The following SIN3B variants were observed in gnomAD, a reference collection of about 807,000 sequenced individuals.
SIN3B encodes the protein SIN3 transcription regulator family member B.
SIN3B carries 19 observed loss-of-function variants against 120.2 expected under a neutral mutation model. The ratio of observed to expected loss-of-function variants is 0.16; its 90% CI spans 0.11 to 0.23. The LOEUF is 0.23. Ranked by LOEUF, SIN3B falls within the 10% of genes least tolerant of loss-of-function variation. The probability of loss-of-function intolerance (pLI) is 1.00; values close to 1 mark genes in which losing one functional copy is unlikely to be tolerated. For synonymous variants in SIN3B, 654 were observed against 653.2 expected (o/e 1.00, Z -0.02); for missense variants, 1,073 against 1,573.0 (o/e 0.68, Z 5.38).
In SIN3B at chr19:16,853,125, C is replaced by T. The variant is rs199660639; in HGVS notation, c.906C>T (p.Tyr302=). The T allele has an allele frequency of 2.4e-5, 38 of 1,614,136 alleles. No individual in the cohort carries two copies. Among genetic ancestry groups the T allele is most frequent in the Middle Eastern group, 1.6e-4 (1 of 6,062 alleles). ...TGTCCATCGCTGCAGTGGGGAAGTA[C>T]GGGACTCTGCAGGAATTTTCTTTCT... ...KDLSIAAVGK[Y]GTLQEFSFFD... The change falls in exon 7 of 19, where the codon TAC becomes TAT. Residue 302 remains tyrosine (Y), a synonymous_variant. Transcript: ENST00000248054.
At chr19:16,843,652 A>T (rs1971445632) in intron 4 of SIN3B, among the ~76,000 whole-genome samples, 1 of 152,186 alleles carries the variant, frequency 6.6e-6, no homozygotes, top group African/African-American at 2.4e-5. Flanking sequence ...GGCAGGTTAA[A>T]GACACTAGAG....
chr19:16,863,235 C>A, intron 9 of SIN3B: 1 of 523,674 alleles, frequency 1.9e-6, no homozygotes, highest in Non-Finnish European at 3.4e-6. Context: ...TCTGTGGTTT[C>A]AACTAACCAT....
At chr19:16,851,385 C>T (rs1379898686) in intron 5 of SIN3B, 27 bp from the exon 6 acceptor site, 2 of 1,563,114 alleles carry the variant, frequency 1.3e-6, no homozygotes, top group Non-Finnish European at 1.7e-6. Flanking sequence ...GTCTCCGGTG[C>T]TGACCACCTC....
At chr19:16,846,608 T>G (rs1303284522) in intron 4 of SIN3B, 1 of 181,846 alleles carries the variant, frequency 5.5e-6, no homozygotes. Flanking sequence ...GTCCCTTCCC[T>G]TCATGGCCCA....
In SIN3B at chr19:16,878,335, T is replaced by C. The variant is rs1215579161; in HGVS notation, c.3107T>C (p.Ile1036Thr). Reference sequence around the variant, plus strand: ...CTCAGCACTCACAAGATGGTGTTCATCGTGAACTCCGAGGACTACATGTAC... The same window carrying C: ...CTCAGCACTCACAAGATGGTGTTCACCGTGAACTCCGAGGACTACATGTAC... ...FKLSTHKMVF[I>T]VNSEDYMYRR... The change falls in exon 18 of 19, where the codon ATC becomes ACC. Residue 1036 changes from isoleucine to threonine, a missense_variant. Transcript: ENST00000248054. 6.2e-7 allele frequency: 1 copy of C among 1,612,608 alleles called. No homozygotes were observed. Among genetic ancestry groups the C allele is most frequent in the Admixed American group, 1.7e-5 (1 of 59,926 alleles).
chr19:16,833,359 C>T (rs961917508), intron 3 of SIN3B, among the ~76,000 whole-genome samples: 14 of 152,022 alleles, frequency 9.2e-5, no homozygotes, highest in East Asian at 5.8e-4. Flanking sequence ...CTCGGCCAGG[C>T]GCAGTGGCTC....
At chr19:16,840,856 T>C (rs1971408440) in intron 3 of SIN3B, among the ~76,000 whole-genome samples, 1 of 152,032 alleles carries the variant, frequency 6.6e-6, no homozygotes, top group African/African-American at 2.4e-5. Flanking sequence ...ATGAGTAAAA[T>C]ACATGATCCA....
At position 16,858,913 on chromosome 19, in the gene SIN3B, G is replaced by A. The variant is rs773881; in HGVS notation, c.1059-3439G>A. Among the ~76,000 whole-genome samples the A allele has an allele frequency of 7.3e-3, 1,118 of 152,244 alleles. 14 individuals carry two copies. The highest frequency in any genetic ancestry group is 0.026 in the African/African-American group (1,060 of 41,542). On this transcript the variant is annotated intron_variant, in intron 8 of 18. Coordinates refer to ENST00000248054, the MANE Select transcript of SIN3B (RefSeq NM_001297595.2). Reference sequence around the variant, plus strand: ...TGCAATGAGCAAAGATTGTACCACTGCACTCTAGCCTGGGCAACAGAGCAA... The same window carrying A: ...TGCAATGAGCAAAGATTGTACCACTACACTCTAGCCTGGGCAACAGAGCAA...
chr19:16,839,169 T>C (rs1369219599), intron 3 of SIN3B, among the ~76,000 whole-genome samples: 7 of 152,026 alleles, frequency 4.6e-5, no homozygotes, highest in African/African-American at 1.7e-4. Context: ...GGTTTTGCAA[T>C]GTTGGCCAGG....
rs189141212 is a variant in SIN3B at position 16,835,294 on chromosome 19, T to C, written c.381+3647T>C. On this transcript the variant is annotated intron_variant, in intron 3 of 18. Transcript: ENST00000248054. ...CCCAGGCTGGAGTGCAATGGCACGA[T>C]CTTGGCTCGCTGCATCCTCTGCCTC... Among the ~76,000 whole-genome samples, 632 of 150,002 alleles carry C rather than the reference T, an allele frequency of 4.2e-3. 4 individuals are homozygous for C. The East Asian group carries it at 0.045, about 11-fold the overall frequency.
At chr19:16,838,824 A>G (rs1308717943) in intron 3 of SIN3B, among the ~76,000 whole-genome samples, 1 of 151,832 alleles carries the variant, frequency 6.6e-6, no homozygotes, top group Non-Finnish European at 1.5e-5. Flanking sequence ...AGTTCCCACC[A>G]CCACGCCTGG....
chr19:16,836,051 A>G (rs1481717973), intron 3 of SIN3B, among the ~76,000 whole-genome samples: 2 of 152,136 alleles, frequency 1.3e-5, no homozygotes, highest in Admixed American at 1.3e-4. Flanking sequence ...AGTGGCCCAT[A>G]GGTGGTAAGG....
At chr19:16,870,101 GC>G in intron 13 of SIN3B, 26 bp downstream of exon 13, 1 of 1,541,782 alleles carries the variant, frequency 6.5e-7, no homozygotes, top group Non-Finnish European at 8.7e-7. Context: ...CTGCCGGGAG[GC>G]CCCGGGGGGT....
rs1181769377 is a variant in SIN3B at position 16,875,305 on chromosome 19, G to GA, written c.2593-750_2593-749insA. ...TCTGGTCTGGTCTGGTTTTGGTCTG[G>GA]TTTGGGTCTGGTCTGGTTTGGGTCT... is the stretch of plus-strand genomic sequence containing the variant. On this transcript the variant is annotated intron_variant, in intron 14 of 18. Coordinates refer to ENST00000248054, the MANE Select transcript of SIN3B (RefSeq NM_001297595.2). Among the ~76,000 whole-genome samples, 6 of 144,866 alleles carry GA rather than the reference G, an allele frequency of 4.1e-5. No individual in the cohort carries two copies. In the South Asian group the frequency reaches 6.7e-4, roughly 16 times the overall value.
intron 1 of SIN3B, 55 bp from the exon 2 acceptor site, chr19:16,829,736 C>T (rs1599583732): frequency 6.7e-7 from 1 of 1,497,172 alleles, no homozygotes; most frequent in Non-Finnish European, 9.3e-7. Flanking sequence ...GACCCCGGCC[C>T]CTCGTCCCCT....
At chr19:16,860,519 G>A (rs973726955) in intron 8 of SIN3B, among the ~76,000 whole-genome samples, 1 of 152,104 alleles carries the variant, frequency 6.6e-6, no homozygotes, top group Non-Finnish European at 1.5e-5. Flanking sequence ...TCAATGAGGG[G>A]GACGTCGTTA....
At chr19:16,847,142 CGGG>C (rs763419784) in intron 5 of SIN3B, 29 bp downstream of exon 5, 1 of 1,595,836 alleles carries the variant, frequency 6.3e-7, no homozygotes, top group East Asian at 2.3e-5. Context: ...TGCCCAGCCT[CGGG>C]GGCCTCAGCG....
At position 16,875,857 on chromosome 19, in the gene SIN3B, T is replaced by C. The variant is rs1486741649; in HGVS notation, c.2593-198T>C. On this transcript the variant is annotated intron_variant, in intron 14 of 18. Coordinates refer to ENST00000248054, the MANE Select transcript of SIN3B (RefSeq NM_001297595.2). Reference sequence around the variant, plus strand: ...TTGGTCTGGTCTGGTCTGGTCTGTTTGGTCTGGTCTGGTCTGGTCTGGTCT... The same window carrying C: ...TTGGTCTGGTCTGGTCTGGTCTGTTCGGTCTGGTCTGGTCTGGTCTGGTCT... 1.2e-5 allele frequency: 7 copies of C among 580,696 alleles called. No homozygotes were observed. In the East Asian group the frequency reaches 2.0e-4, roughly 17 times the overall value. The allele number at this position is 580,696 out of a possible 1,614,324, so 36.0% of individuals were successfully genotyped here.
At chr19:16,830,098 C>A (rs1391794359) in intron 2 of SIN3B, among the ~76,000 whole-genome samples, 2 of 152,176 alleles carry the variant, frequency 1.3e-5, no homozygotes, top group South Asian at 4.1e-4. Context: ...GTGGGGATTC[C>A]TGGAAGCAGG....
Sources: gnomAD v4.1 joint callset for allele counts (sites outside exome capture counted in the v4.1 genomes callset) on GRCh38, gnomAD v4.1.1 for gene constraint, MANE v1.5 for transcripts, NCBI Gene and HGNC (gene_info 2026-07-23, HGNC 2026-07-21) for gene names.